RAB38: variants seen among roughly 807,000 people sequenced by gnomAD.
RAB38 encodes ras-related protein Rab-38.
A neutral mutation model predicts 18.4 loss-of-function variants in RAB38; 15 were observed. That is an observed-to-expected ratio of 0.82 (90% CI 0.55 to 1.26). The LOEUF (loss-of-function observed/expected upper bound fraction) is 1.26. Ranked by LOEUF, RAB38 falls within the 50% of genes most tolerant of loss-of-function variation. RAB38 has a pLI of 0.00. For missense variants in RAB38, 294 were observed against 267.4 expected (o/e 1.10, Z -0.69); for synonymous variants, 101 against 104.4 (o/e 0.97, Z 0.20).
the RAB38 span, among the ~76,000 whole-genome samples, chr11:87,877,455 C>A: frequency 7.0e-4 from 106 of 151,692 alleles, 1 homozygote; most frequent in African/African-American, 2.4e-3. Context: ...CCTCCCCCCA[C>A]ACCCATGCTA....
chr11:88,168,476 T>A (rs1318618488), intron 1 of RAB38, among the ~76,000 whole-genome samples: 1 of 152,130 alleles, frequency 6.6e-6, no homozygotes, highest in East Asian at 1.9e-4. Flanking sequence ...TACTTTCCCA[T>A]CAGATCACTT....
At chr11:88,166,811 T>C (rs1321385057) in intron 1 of RAB38, 1 of 152,168 alleles carries the variant, frequency 6.6e-6, no homozygotes, top group Non-Finnish European at 1.5e-5. Context: ...TTCTCAATTC[T>C]AAATTATACT....
the RAB38 span, among the ~76,000 whole-genome samples, chr11:88,105,410 G>GT: frequency 6.6e-6 from 1 of 152,120 alleles, no homozygotes; most frequent in Non-Finnish European, 1.5e-5. Flanking sequence ...AGTCAGGAAT[G>GT]TTTGAGTTAT....
At chr11:87,914,446 A>G in the RAB38 span, among the ~76,000 whole-genome samples, 1 of 152,180 alleles carries the variant, frequency 6.6e-6, no homozygotes, top group Non-Finnish European at 1.5e-5. Flanking sequence ...GAAATTTCCA[A>G]TAGCAAAGTC....
At chr11:88,052,919 T>TTATATATATTTC in the RAB38 span, among the ~76,000 whole-genome samples, 1 of 27,820 alleles carries the variant, frequency 3.6e-5, no homozygotes, top group Non-Finnish European at 5.9e-5. Flanking sequence ...TATATATATA[T>TTATATATATTTC]ATATATATAT....
At chr11:87,863,562 G>A in the RAB38 span, among the ~76,000 whole-genome samples, 4 of 137,706 alleles carry the variant, frequency 2.9e-5, no homozygotes, top group African/African-American at 1.3e-4. Context: ...GAAACAGAAG[G>A]CAGGACTCTG....
chr11:88,058,950 C>T, the RAB38 span, among the ~76,000 whole-genome samples: 2 of 152,184 alleles, frequency 1.3e-5, no homozygotes, highest in East Asian at 3.8e-4. Context: ...CTAGCTGAGA[C>T]AGAGATTTTC....
the RAB38 span, among the ~76,000 whole-genome samples, chr11:87,954,291 A>C: frequency 3.9e-5 from 6 of 152,158 alleles, no homozygotes; most frequent in Non-Finnish European, 7.3e-5. Context: ...CAATGGCATC[A>C]TGGTGGGAAC....
chr11:88,034,326 G>T, the RAB38 span, among the ~76,000 whole-genome samples: 1 of 152,188 alleles, frequency 6.6e-6, no homozygotes, highest in African/African-American at 2.4e-5. Context: ...TTATGTATTG[G>T]TTTTTGTGTG....
At chr11:87,977,867 A>T in the RAB38 span, among the ~76,000 whole-genome samples, 1 of 111,072 alleles carries the variant, frequency 9.0e-6, no homozygotes, top group South Asian at 2.7e-4. Flanking sequence ...ATATACTTAC[A>T]AATATATATA....
At chr11:87,966,874 C>T in the RAB38 span, among the ~76,000 whole-genome samples, 25 of 152,042 alleles carry the variant, frequency 1.6e-4, no homozygotes, top group Non-Finnish European at 1.5e-5. Context: ...TGTTCTGTTA[C>T]CTCTTTGGAT....
At chr11:87,947,937 C>A in the RAB38 span, among the ~76,000 whole-genome samples, 3 of 152,150 alleles carry the variant, frequency 2.0e-5, no homozygotes, top group Admixed American at 1.3e-4. Context: ...TGAAGAAAGT[C>A]ATTGGTAGCT....
chr11:87,868,608 A>AGAAGGAGAGAGAGAGAGAAG, the RAB38 span, among the ~76,000 whole-genome samples: 1 of 102,988 alleles, frequency 9.7e-6, no homozygotes, highest in African/African-American at 4.0e-5. Context: ...AGAGAGAGAG[A>AGAAGGAGAGAGAGAGAGAAG]GAGAGAGAGA....
the RAB38 span, among the ~76,000 whole-genome samples, chr11:87,807,972 T>C: frequency 6.6e-6 from 1 of 152,208 alleles, no homozygotes; most frequent in Non-Finnish European, 1.5e-5. Flanking sequence ...GCATGTCCTA[T>C]TGGCAGAGCC....
the RAB38 span, among the ~76,000 whole-genome samples, chr11:88,033,387 A>T: frequency 1.3e-5 from 2 of 152,142 alleles, no homozygotes; most frequent in African/African-American, 2.4e-5. Context: ...TAATAATAAA[A>T]AAAAGAAAAA....
the RAB38 span, among the ~76,000 whole-genome samples, chr11:88,088,448 T>C: frequency 2.0e-5 from 3 of 151,864 alleles, no homozygotes; most frequent in East Asian, 3.9e-4. Context: ...ATAAGGGCCA[T>C]TTTATTTTGG....
the RAB38 span, among the ~76,000 whole-genome samples, chr11:87,921,100 A>C: frequency 2.6e-5 from 4 of 151,982 alleles, no homozygotes; most frequent in African/African-American, 9.7e-5. Context: ...ACAATAGGGA[A>C]CCCATTCCTG....
At chr11:88,060,971 G>A in the RAB38 span, among the ~76,000 whole-genome samples, 4 of 152,138 alleles carry the variant, frequency 2.6e-5, no homozygotes, top group Admixed American at 2.0e-4. Flanking sequence ...CTTTGGAATC[G>A]GGGGAAAGAT....
At chr11:88,143,714 A>G (rs1942946203) in intron 2 of RAB38, among the ~76,000 whole-genome samples, 1 of 152,216 alleles carries the variant, frequency 6.6e-6, no homozygotes, top group African/African-American at 2.4e-5. Context: ...ATGAAACAGG[A>G]AAGATCTGAG....
Sources: allele counts gnomAD v4.1 joint callset (sites outside exome capture counted in the v4.1 genomes callset), GRCh38; gene constraint gnomAD v4.1.1; transcripts MANE v1.5; gene names NCBI Gene and HGNC (gene_info 2026-07-23, HGNC 2026-07-21).